The following JAKMIP3 variants were observed in gnomAD, a reference collection of about 807,000 sequenced individuals.
JAKMIP3 encodes the protein janus kinase and microtubule-interacting protein 3.
In JAKMIP3, 58 loss-of-function variants were observed where a neutral mutation model predicts 118.5. The observed-to-expected ratio is 0.49, with a 90% CI of 0.40 to 0.61. The LOEUF is 0.61. Ranked by LOEUF, JAKMIP3 falls within the 20% of genes least tolerant of loss-of-function variation. The probability of loss-of-function intolerance (pLI) is 0.00; values close to 1 mark genes in which losing one functional copy is unlikely to be tolerated. For missense variants in JAKMIP3, 950 were observed against 1,109.0 expected, an observed-to-expected ratio of 0.86 and a Z score of 2.04; for synonymous variants, 486 against 451.2, an observed-to-expected ratio of 1.08 and a Z score of -0.98.
At chr10:132,177,051 A>G (rs1414235977) in intron 23 of JAKMIP3, among the ~76,000 whole-genome samples, 4 of 152,174 alleles carry the variant, frequency 2.6e-5, no homozygotes, top group African/African-American at 9.7e-5. Context: ...TCAGAAACTG[A>G]ACGACTGACT....
intron 1 of JAKMIP3, among the ~76,000 whole-genome samples, chr10:132,097,295 C>T (rs535984937): frequency 3.3e-5 from 5 of 152,326 alleles, no homozygotes; most frequent in African/African-American, 9.6e-5. Context: ...GGTGCAGCCA[C>T]ACCGTGGGTC....
At chr10:132,038,039 T>C (rs898417362) in intron 1 of JAKMIP3, among the ~76,000 whole-genome samples, 1 of 152,258 alleles carries the variant, frequency 6.6e-6, no homozygotes, top group Non-Finnish European at 1.5e-5. Context: ...CAACAAGTTA[T>C]AGTTTGGAGT....
At chr10:132,058,898 G>A (rs559355089) in intron 1 of JAKMIP3, among the ~76,000 whole-genome samples, 44 of 152,340 alleles carry the variant, frequency 2.9e-4, no homozygotes, top group Admixed American at 8.5e-4. Flanking sequence ...TCAGGATTCC[G>A]GACGGAGCTT....
At chr10:132,113,780 G>A (rs185814589) in intron 2 of JAKMIP3, among the ~76,000 whole-genome samples, 4,576 of 152,334 alleles carry the variant, frequency 0.03, 100 homozygotes, top group South Asian at 0.12. Context: ...GGCACATGAA[G>A]TAAGCAGGGT....
chr10:132,107,500 G>T (rs1490795192), intron 2 of JAKMIP3, among the ~76,000 whole-genome samples: 1 of 152,222 alleles, frequency 6.6e-6, no homozygotes, highest in Non-Finnish European at 1.5e-5. Flanking sequence ...GGCACAACGT[G>T]CAGAAGGCAC....
intron 1 of JAKMIP3, among the ~76,000 whole-genome samples, chr10:132,055,188 A>G (rs1272349178): frequency 6.6e-6 from 1 of 152,202 alleles, no homozygotes; most frequent in Non-Finnish European, 1.5e-5. Context: ...TCTTTCCTCA[A>G]CAGGAGTAGT....
At chr10:132,165,691 C>T (rs1228026600) in intron 21 of JAKMIP3, among the ~76,000 whole-genome samples, 1 of 152,208 alleles carries the variant, frequency 6.6e-6, no homozygotes, top group African/African-American at 2.4e-5. Flanking sequence ...CTCTGGACAG[C>T]AGTCGCCTTA....
At chr10:132,095,560 G>A (rs1419582539) in intron 1 of JAKMIP3, among the ~76,000 whole-genome samples, 1 of 152,202 alleles carries the variant, frequency 6.6e-6, no homozygotes, top group Non-Finnish European at 1.5e-5. Flanking sequence ...ACAGTATTTG[G>A]GGTGTCTCCC....
In JAKMIP3 at chr10:132,117,421, G is replaced by A; in HGVS notation, c.480G>A (p.Glu160=). 1.2e-6 allele frequency: 2 copies of A among 1,614,004 alleles called. No homozygotes were observed. Among genetic ancestry groups the A allele is most frequent in the Non-Finnish European group, 8.5e-7 (1 of 1,179,904 alleles). Residue 160 remains glutamate (E), a synonymous_variant, in exon 3 of 24, where the codon GAG becomes GAA. Coordinates refer to ENST00000684848, the MANE Select transcript of JAKMIP3 (RefSeq NM_001323087.2). The surrounding 1 kb of genome is among the most constrained non-coding windows in gnomAD (Gnocchi z 8.6). Reference sequence around the variant, plus strand: ...TCAAGATGCAGCAGGAGATCTCCGAGCTCAAGGGCGCCAAAAGGCAGGTGG... The same window carrying A: ...TCAAGATGCAGCAGGAGATCTCCGAACTCAAGGGCGCCAAAAGGCAGGTGG... ...EKVKMQQEIS[E]LKGAKRQVEE... is the part of the protein sequence containing the mutation.
chr10:132,152,991 C>T lies in JAKMIP3; in HGVS notation c.2041C>T (p.Gln681Ter). The T allele has an allele frequency of 1.2e-6, 2 of 1,608,588 alleles. No individual in the cohort carries two copies. Among genetic ancestry groups the T allele is most frequent in the South Asian group, 1.1e-5 (1 of 89,684 alleles). The change falls in exon 17 of 24, where the codon CAA (glutamine) becomes TAA (stop). Residue 681 changes from glutamine (Q) to a stop codon, truncating the protein, a stop_gained. Transcript: ENST00000684848. LOFTEE classifies it high-confidence loss of function. Reference sequence around the variant, plus strand: ...CAATGAGGAGCAGGTGGTTGTCATACAAGCCAGGACAGTCCTGACCTTGGC... The same window carrying T: ...CAATGAGGAGCAGGTGGTTGTCATATAAGCCAGGACAGTCCTGACCTTGGC... ...LTNEEQVVVI[Q>*]ARTVLTLAEK...
At chr10:132,059,231 C>A (rs1364225102) in intron 1 of JAKMIP3, among the ~76,000 whole-genome samples, 6 of 152,238 alleles carry the variant, frequency 3.9e-5, no homozygotes, top group Admixed American at 6.5e-5. Flanking sequence ...GGTGCCGTCC[C>A]CACCTGCTGC....
At chr10:132,061,045 A>G (rs1450482457), upstream of JAKMIP3, among the ~76,000 whole-genome samples, 1 of 152,212 alleles carries the variant, frequency 6.6e-6, no homozygotes, top group Non-Finnish European at 1.5e-5. Context: ...AATACAAGAG[A>G]ATATAGAAAC....
intron 10 of JAKMIP3, 66 bp from the exon 11 acceptor site, chr10:132,141,854 C>T (rs969323717): frequency 6.5e-7 from 1 of 1,540,144 alleles, no homozygotes; most frequent in Non-Finnish European, 8.7e-7. Flanking sequence ...GGGGCCCCGC[C>T]ATCGGAGGAG....
At chr10:132,039,174 C>T (rs899838567) in intron 1 of JAKMIP3, among the ~76,000 whole-genome samples, 1 of 152,132 alleles carries the variant, frequency 6.6e-6, no homozygotes, top group Non-Finnish European at 1.5e-5. Context: ...TTAATAGAGA[C>T]AAGATCTTGG....
At chr10:132,087,954 A>G (rs2042609281) in intron 1 of JAKMIP3, among the ~76,000 whole-genome samples, 2 of 152,002 alleles carry the variant, frequency 1.3e-5, no homozygotes, top group East Asian at 3.9e-4. Context: ...GAGAACATGC[A>G]GTGTTTAGTT....
At chr10:132,113,603 G>A (rs1172676456) in intron 2 of JAKMIP3, among the ~76,000 whole-genome samples, 2 of 152,230 alleles carry the variant, frequency 1.3e-5, no homozygotes, top group African/African-American at 4.8e-5. Flanking sequence ...CCTCATCATA[G>A]GGCTAAGAAA....
intron 1 of JAKMIP3, among the ~76,000 whole-genome samples, chr10:132,045,394 C>G (rs1276989138): frequency 6.6e-6 from 1 of 152,080 alleles, no homozygotes; most frequent in Admixed American, 6.5e-5. Flanking sequence ...GGAGAGGGTC[C>G]GAGGCTGACT....
intron 1 of JAKMIP3, among the ~76,000 whole-genome samples, chr10:132,074,728 G>A (rs186917605): frequency 1.7e-3 from 265 of 152,186 alleles, no homozygotes; most frequent in African/African-American, 6.0e-3. Context: ...TTGTTTTTGC[G>A]GACTCAGTCA....
At chr10:132,086,910 GC>G (rs1284413557) in intron 1 of JAKMIP3, among the ~76,000 whole-genome samples, 1 of 152,128 alleles carries the variant, frequency 6.6e-6, no homozygotes, top group Non-Finnish European at 1.5e-5. Context: ...CCTATTTGTT[GC>G]CTGTATAGCT....
Sources: allele counts gnomAD v4.1 joint callset (sites outside exome capture counted in the v4.1 genomes callset), GRCh38; gene constraint gnomAD v4.1.1; non-coding constraint Gnocchi (gnomAD v3.1); transcripts MANE v1.5; gene names NCBI Gene and HGNC (gene_info 2026-07-23, HGNC 2026-07-21).